Variants in YAP1 observed in about 807,000 individuals in gnomAD.
YAP1 encodes transcriptional coactivator YAP1.
YAP1 carries 5 observed loss-of-function variants against 56.9 expected under a neutral mutation model. The observed-to-expected ratio is 0.09, with a 90% CI of 0.05 to 0.18. The LOEUF (loss-of-function observed/expected upper bound fraction) is 0.18, where lower values mean the gene tolerates loss of function less well. Among genes scored for constraint, YAP1 ranks in the 10% least tolerant of loss-of-function variants. The pLI is 1.00. For missense variants in YAP1, 539 were observed against 651.8 expected (o/e 0.83, Z 1.88); for synonymous variants, 265 against 248.1 (o/e 1.07, Z -0.64).
intron 2 of YAP1, among the ~76,000 whole-genome samples, chr11:102,138,160 T>C (rs898020474): frequency 1.2e-4 from 18 of 152,354 alleles, no homozygotes; most frequent in Non-Finnish European, 2.5e-4. Flanking sequence ...GCTGGAATTA[T>C]AGGCATGAGC....
At chr11:102,206,220 G>A (rs954646205) in intron 5 of YAP1, 146 bp downstream of exon 5, 4 of 943,982 alleles carry the variant, frequency 4.2e-6, no homozygotes, top group Non-Finnish European at 6.0e-6. Flanking sequence ...ATCCAGCCCT[G>A]TCCTTGTCTT....
intron 6 of YAP1, among the ~76,000 whole-genome samples, chr11:102,210,519 ATTC>A (rs1949345928): frequency 6.6e-6 from 1 of 152,172 alleles, no homozygotes. Context: ...GAAAATCTCT[ATTC>A]TTCTTTATCT....
At chr11:102,213,588 C>G (rs1301645526) in intron 6 of YAP1, among the ~76,000 whole-genome samples, 1 of 152,136 alleles carries the variant, frequency 6.6e-6, no homozygotes, top group African/African-American at 2.4e-5. Flanking sequence ...GGTCAGTAGC[C>G]TTTTCACTCA....
At chr11:102,169,520 TAGC>T in intron 3 of YAP1, among the ~76,000 whole-genome samples, 1 of 152,300 alleles carries the variant, frequency 6.6e-6, no homozygotes, top group Admixed American at 6.5e-5. Flanking sequence ...GGAAACCTAA[TAGC>T]AGTGAACTAT....
chr11:102,195,119 A>G (rs190192833), intron 4 of YAP1, among the ~76,000 whole-genome samples: 187 of 152,236 alleles, frequency 1.2e-3, no homozygotes, highest in African/African-American at 4.3e-3. Flanking sequence ...GTTTATTTTC[A>G]TAGTGGGGAA....
chr11:102,147,185 T>C (rs1945372787), intron 2 of YAP1, among the ~76,000 whole-genome samples: 1 of 152,232 alleles, frequency 6.6e-6, no homozygotes, highest in Non-Finnish European at 1.5e-5. Flanking sequence ...CACTGTTATA[T>C]ACTAAAATGT....
At chr11:102,194,768 C>T (rs1209591566) in intron 4 of YAP1, among the ~76,000 whole-genome samples, 8 of 152,050 alleles carry the variant, frequency 5.3e-5, no homozygotes, top group Non-Finnish European at 7.4e-5. Flanking sequence ...CTGAGGTATG[C>T]ATCACTTCTA....
intron 6 of YAP1, among the ~76,000 whole-genome samples, chr11:102,218,499 G>A (rs995511975): frequency 1.3e-5 from 2 of 152,080 alleles, no homozygotes; most frequent in Non-Finnish European, 2.9e-5. Flanking sequence ...CGAATATTTC[G>A]ATCCATACTT....
At position 102,121,175 on chromosome 11, in the gene YAP1, C is replaced by T. The variant is rs1024668706; in HGVS notation, c.572+6781C>T. 9.2e-5 allele frequency among the ~76,000 whole-genome samples: 14 copies of T among 152,270 alleles called. No homozygotes were observed. In the East Asian group the frequency reaches 1.9e-3, roughly 21 times the overall value. ...ATTCATGGCCAGCCGTCGTAGCTCA[C>T]GTCTGTAATCCCAGCACTTTGAGAG... On this transcript the variant is annotated intron_variant, in intron 2 of 8. Transcript: ENST00000282441.
At chr11:102,111,263 A>T in intron 1 of YAP1, 94 bp downstream of exon 1, 2 of 1,464,988 alleles carry the variant, frequency 1.4e-6, no homozygotes, top group Non-Finnish European at 1.8e-6. Context: ...TGGTCAGGGG[A>T]GGGGGGTTGC....
At chr11:102,134,525 A>G (rs928656128) in intron 2 of YAP1, among the ~76,000 whole-genome samples, 1 of 148,138 alleles carries the variant, frequency 6.8e-6, no homozygotes, top group Admixed American at 6.8e-5. Context: ...AAATATATAT[A>G]TATTTAAGAA....
At chr11:102,174,022 T>C (rs559665976) in intron 3 of YAP1, among the ~76,000 whole-genome samples, 1 of 152,316 alleles carries the variant, frequency 6.6e-6, no homozygotes, top group Non-Finnish European at 1.5e-5. Flanking sequence ...TCTTATTCAG[T>C]GGGTCTGATT....
At chr11:102,122,893 C>T (rs1251230293) in intron 2 of YAP1, among the ~76,000 whole-genome samples, 1 of 14,768 alleles carries the variant, frequency 6.8e-5, no homozygotes, top group Non-Finnish European at 1.2e-4. Flanking sequence ...CGAGACTTCT[C>T]TCAAAAAAAA....
chr11:102,204,650 A>T (rs1480919272), intron 4 of YAP1, among the ~76,000 whole-genome samples: 1 of 152,212 alleles, frequency 6.6e-6, no homozygotes, highest in Non-Finnish European at 1.5e-5. Context: ...ACACATTAAA[A>T]ATCACAAGGA....
intron 3 of YAP1, among the ~76,000 whole-genome samples, chr11:102,182,313 T>C (rs1407807574): frequency 1.3e-5 from 2 of 152,242 alleles, no homozygotes; most frequent in East Asian, 3.8e-4. Context: ...GCATCCTAAA[T>C]TGATTTTGAT....
rs576264399 is a variant in YAP1, at chr11:102,200,834, C to T, written c.803-5059C>T. On this transcript the variant is annotated intron_variant, in intron 4 of 8. Coordinates refer to ENST00000282441, the MANE Select transcript of YAP1 (RefSeq NM_001130145.3). ...ATATCACAGACACAGATTTCTTATCCTTAGTGTATAGATTGTATAATAAGA... is the reference window on the plus strand; with the variant it reads ...ATATCACAGACACAGATTTCTTATCTTTAGTGTATAGATTGTATAATAAGA... Among the ~76,000 whole-genome samples, 136 of 152,162 alleles carry T rather than the reference C, an allele frequency of 8.9e-4. 1 individual carries two copies. Among genetic ancestry groups the T allele is most frequent in the Non-Finnish European group, 1.5e-3 (102 of 68,012 alleles).
chr11:102,201,601 C>G (rs1446021461), intron 4 of YAP1, among the ~76,000 whole-genome samples: 1 of 152,056 alleles, frequency 6.6e-6, no homozygotes, highest in Non-Finnish European at 1.5e-5. Flanking sequence ...AAATCTGAAA[C>G]TTGAATCATT....
At chr11:102,225,901 C>T (rs1950169948) in intron 7 of YAP1, among the ~76,000 whole-genome samples, 1 of 152,184 alleles carries the variant, frequency 6.6e-6, no homozygotes, top group Non-Finnish European at 1.5e-5. Flanking sequence ...AGCAGATGCT[C>T]AGTGAATGTT....
At chr11:102,115,827 A>T (rs1005459438) in intron 2 of YAP1, among the ~76,000 whole-genome samples, 6 of 152,200 alleles carry the variant, frequency 3.9e-5, no homozygotes, top group Admixed American at 1.3e-4. Flanking sequence ...GAAACAAACC[A>T]GGTTGTTAGG....
Sources: allele counts gnomAD v4.1 joint callset (sites outside exome capture counted in the v4.1 genomes callset), GRCh38; gene constraint gnomAD v4.1.1; transcripts MANE v1.5; gene names NCBI Gene and HGNC (gene_info 2026-07-23, HGNC 2026-07-21).